Variants in GPHN observed in about 807,000 individuals in gnomAD.
The protein encoded by GPHN is gephyrin.
Under a neutral mutation model 95.5 loss-of-function variants are expected in GPHN, and 17 were observed. The observed-to-expected ratio is 0.18, with a 90% CI of 0.12 to 0.27. The LOEUF (loss-of-function observed/expected upper bound fraction) is 0.27. Among genes scored for constraint, GPHN ranks in the 10% least tolerant of loss-of-function variants. GPHN has a pLI of 1.00. For missense variants in GPHN, 660 were observed against 978.1 expected (o/e 0.67, Z 4.34); for synonymous variants, 320 against 322.5 (o/e 0.99, Z 0.08).
chr14:67,497,071 C>G, the GPHN span, among the ~76,000 whole-genome samples: 1 of 151,752 alleles, frequency 6.6e-6, no homozygotes, highest in African/African-American at 2.4e-5. Context: ...GGATTACAGG[C>G]CTGAGCCACC....
chr14:67,094,277 G>T (rs2077259546), intron 12 of GPHN, among the ~76,000 whole-genome samples: 1 of 152,032 alleles, frequency 6.6e-6, no homozygotes, highest in Non-Finnish European at 1.5e-5. Context: ...ATAAATGGGT[G>T]AACAGAACTA....
intron 5 of GPHN, among the ~76,000 whole-genome samples, chr14:66,905,565 G>T (rs572568419): frequency 1.3e-5 from 2 of 152,086 alleles, no homozygotes; most frequent in South Asian, 4.2e-4. Context: ...TCGCTTTTTT[G>T]TGTTTGTTTT....
chr14:67,702,140 TA>T, the GPHN span, among the ~76,000 whole-genome samples: 1 of 151,834 alleles, frequency 6.6e-6, no homozygotes, highest in African/African-American at 2.4e-5. Context: ...AATATATATA[TA>T]TTTTTTAAAT....
chr14:66,508,941 A>C, intron 1 of GPHN: 1 of 361,570 alleles, frequency 2.8e-6, no homozygotes, highest in Non-Finnish European at 5.3e-6. Flanking sequence ...AGTCTGAAGC[A>C]TGCCGCTCTC....
At chr14:66,877,635 A>ATT (rs1430700404) in intron 4 of GPHN, among the ~76,000 whole-genome samples, 4 of 152,198 alleles carry the variant, frequency 2.6e-5, no homozygotes, top group African/African-American at 9.6e-5. Context: ...CCCATTCACA[A>ATT]TTGCTACAAA....
At chr14:67,354,892 C>A in the GPHN span, among the ~76,000 whole-genome samples, 4 of 152,324 alleles carry the variant, frequency 2.6e-5, no homozygotes, top group East Asian at 7.7e-4. Context: ...CGGCTCACTG[C>A]AACCTCTGCC....
At chr14:67,613,536 A>G in the GPHN span, 6 of 183,888 alleles carry the variant, frequency 3.3e-5, no homozygotes, top group East Asian at 6.8e-4. Flanking sequence ...TCCAAACCCA[A>G]CCCCTCCCCA....
intron 5 of GPHN, among the ~76,000 whole-genome samples, chr14:66,891,445 G>A (rs918279938): frequency 5.3e-5 from 8 of 152,058 alleles, no homozygotes; most frequent in Admixed American, 2.6e-4. Flanking sequence ...ATATCCACTT[G>A]CCAAAGAATG....
At chr14:67,575,381 C>G in the GPHN span, 1 of 1,569,430 alleles carries the variant, frequency 6.4e-7, no homozygotes, top group Non-Finnish European at 8.7e-7. Context: ...CAGTTCATTT[C>G]TGTCTTACAG....
chr14:66,808,998 G>T (rs1266651941), intron 3 of GPHN, among the ~76,000 whole-genome samples: 1 of 152,122 alleles, frequency 6.6e-6, no homozygotes, highest in African/African-American at 2.4e-5. Context: ...CTAAAGTCAA[G>T]GGATTATTAA....
the GPHN span, chr14:67,569,172 T>C: frequency 1.9e-6 from 3 of 1,613,400 alleles, no homozygotes; most frequent in Non-Finnish European, 2.5e-6. Context: ...ACATCGGGCA[T>C]GCGGCTCTCA....
At chr14:67,215,192 A>G in the GPHN span, among the ~76,000 whole-genome samples, 1 of 152,128 alleles carries the variant, frequency 6.6e-6, no homozygotes, top group Non-Finnish European at 1.5e-5. Context: ...CTGAAGCCCT[A>G]CAGTCAAAAT....
the GPHN span, among the ~76,000 whole-genome samples, chr14:67,389,576 G>A: frequency 6.6e-6 from 1 of 152,006 alleles, no homozygotes; most frequent in Non-Finnish European, 1.5e-5. Flanking sequence ...ATTTGTGCAT[G>A]TGTACATATA....
the GPHN span, chr14:67,473,710 G>T: frequency 6.2e-7 from 1 of 1,600,018 alleles, no homozygotes; most frequent in African/African-American, 1.3e-5. The surrounding 1 kb of genome is among the most constrained non-coding windows in gnomAD (Gnocchi z 6.5). Flanking sequence ...AGGAGCAGCG[G>T]GCAGCGGCCG....
intron 9 of GPHN, among the ~76,000 whole-genome samples, chr14:66,977,515 A>C (rs1000210967): frequency 1.3e-5 from 2 of 152,162 alleles, no homozygotes; most frequent in Non-Finnish European, 2.9e-5. Flanking sequence ...ATCTCAAACT[A>C]TGTACAGGAA....
intron 1 of GPHN, among the ~76,000 whole-genome samples, chr14:66,651,522 A>G (rs2065044199): frequency 6.6e-6 from 1 of 152,204 alleles, no homozygotes; most frequent in African/African-American, 2.4e-5. Flanking sequence ...ACTGGAAGGA[A>G]TGGATTTGTG....
intron 8 of GPHN, among the ~76,000 whole-genome samples, chr14:66,961,912 A>ATGTGTG (rs2068943849): frequency 1.5e-5 from 1 of 68,766 alleles, no homozygotes; most frequent in Admixed American, 1.4e-4. Context: ...ATATATATAT[A>ATGTGTG]TATATATATA....
At chr14:67,188,200 G>A in the GPHN span, among the ~76,000 whole-genome samples, 1 of 152,130 alleles carries the variant, frequency 6.6e-6, no homozygotes, top group Non-Finnish European at 1.5e-5. Context: ...ACCTCACTTT[G>A]ACAAAGTGCC....
chr14:67,054,454 C>T (rs750607121), intron 10 of GPHN, among the ~76,000 whole-genome samples: 5 of 152,096 alleles, frequency 3.3e-5, no homozygotes, highest in Non-Finnish European at 7.4e-5. Context: ...TCAGAGAGCA[C>T]ACAAACAAAT....
Sources: allele counts gnomAD v4.1 joint callset (sites outside exome capture counted in the v4.1 genomes callset), GRCh38; gene constraint gnomAD v4.1.1; non-coding constraint Gnocchi (gnomAD v3.1); transcripts MANE v1.5; gene names NCBI Gene and HGNC (gene_info 2026-07-23, HGNC 2026-07-21).